The following CSNK1G3 variants were observed in gnomAD, a reference collection of about 807,000 sequenced individuals.
CSNK1G3 encodes casein kinase 1 gamma 3, also known as casein kinase I isoform gamma-3.
In CSNK1G3, 23 loss-of-function variants were observed where a neutral mutation model predicts 64.3. That is an observed-to-expected ratio of 0.36 (90% CI 0.26 to 0.51). The LOEUF is 0.51. CSNK1G3 is among the 20% of genes least tolerant of loss of function. CSNK1G3 has a pLI of 0.96. For missense variants in CSNK1G3, 357 were observed against 510.5 expected (o/e 0.70, Z 2.90); for synonymous variants, 158 against 162.2 (o/e 0.97, Z 0.20).
chr5:123,582,578 A>G (rs1790505146), intron 6 of CSNK1G3, among the ~76,000 whole-genome samples: 1 of 152,254 alleles, frequency 6.6e-6, no homozygotes, highest in Admixed American at 6.5e-5. Flanking sequence ...CCTATTTAAA[A>G]TAATCTTTAA....
intron 6 of CSNK1G3, among the ~76,000 whole-genome samples, chr5:123,584,526 C>G (rs757497395): frequency 6.6e-6 from 1 of 152,032 alleles, no homozygotes; most frequent in Non-Finnish European, 1.5e-5. Flanking sequence ...GAGGTATTAT[C>G]TTTTTAAGGA....
At chr5:123,605,304 T>C (rs761255739) in intron 11 of CSNK1G3, 35 bp from the exon 13 acceptor site, 2 of 1,576,306 alleles carry the variant, frequency 1.3e-6, no homozygotes, top group African/African-American at 1.4e-5. Flanking sequence ...CTCTCTTTTT[T>C]TTCCTTGTAT....
At chr5:123,523,017 G>T (rs1778399418) in intron 1 of CSNK1G3, among the ~76,000 whole-genome samples, 2 of 152,256 alleles carry the variant, frequency 1.3e-5, no homozygotes, top group Admixed American at 1.3e-4. Flanking sequence ...AAGAGGGGAA[G>T]AAGTGTTACT....
At chr5:123,532,974 T>A (rs1172774683) in intron 1 of CSNK1G3, among the ~76,000 whole-genome samples, 3 of 151,918 alleles carry the variant, frequency 2.0e-5, no homozygotes, top group African/African-American at 7.2e-5. Flanking sequence ...CACTTTTCTC[T>A]TTGATACTAT....
At chr5:123,569,809 G>T (rs898712679) in intron 4 of CSNK1G3, among the ~76,000 whole-genome samples, 2 of 106,814 alleles carry the variant, frequency 1.9e-5, no homozygotes, top group African/African-American at 8.3e-5. Flanking sequence ...AAGTTCTCTT[G>T]CTCTCAGTCA....
intron 1 of CSNK1G3, among the ~76,000 whole-genome samples, chr5:123,516,340 G>A (rs887095444): frequency 2.6e-5 from 4 of 152,080 alleles, no homozygotes; most frequent in Non-Finnish European, 5.9e-5. Context: ...GATTTTCAAG[G>A]GCATCTGAAC....
At chr5:123,600,450 C>T (rs568505687) in intron 10 of CSNK1G3, among the ~76,000 whole-genome samples, 10 of 151,886 alleles carry the variant, frequency 6.6e-5, no homozygotes, top group Non-Finnish European at 1.3e-4. Flanking sequence ...CACGGTGAAA[C>T]CCCATCTCTA....
At chr5:123,615,440 C>G (rs1400437665) in exon 13 of CSNK1G3, 1 of 152,590 alleles carries the variant, frequency 6.6e-6, no homozygotes. Flanking sequence ...GTGGGTCACT[C>G]TATGCCCTCT....
chr5:123,608,635 A>G (rs1231075879), intron 12 of CSNK1G3, among the ~76,000 whole-genome samples: 1 of 152,134 alleles, frequency 6.6e-6, no homozygotes, highest in Admixed American at 6.5e-5. Context: ...AAGTTTGCAT[A>G]CCATTAAGTT....
At chr5:123,538,695 C>A (rs1283473411) in intron 1 of CSNK1G3, among the ~76,000 whole-genome samples, 1 of 152,094 alleles carries the variant, frequency 6.6e-6, no homozygotes, top group Non-Finnish European at 1.5e-5. Context: ...CAAACCTGCA[C>A]GTTCTGCACA....
At chr5:123,515,527 A>G (rs1326272922) in intron 1 of CSNK1G3, among the ~76,000 whole-genome samples, 3 of 152,334 alleles carry the variant, frequency 2.0e-5, no homozygotes, top group Admixed American at 1.3e-4. Flanking sequence ...GAGGGATGAT[A>G]AGATGAGAAA....
chr5:123,601,285 G>T (rs1297202228), intron 10 of CSNK1G3, among the ~76,000 whole-genome samples: 1 of 152,044 alleles, frequency 6.6e-6, no homozygotes, highest in Admixed American at 6.6e-5. Context: ...TTTGCAAAAA[G>T]ACACAAATTT....
intron 10 of CSNK1G3, among the ~76,000 whole-genome samples, chr5:123,601,453 A>C (rs180685105): frequency 6.6e-6 from 1 of 152,232 alleles, no homozygotes; most frequent in Non-Finnish European, 1.5e-5. Context: ...AGGATTGGGG[A>C]ATCTGGGAAA....
At chr5:123,614,187 C>T (rs1222020865) in intron 12 of CSNK1G3, among the ~76,000 whole-genome samples, 155 bp from the exon 14 acceptor site, 1 of 152,200 alleles carries the variant, frequency 6.6e-6, no homozygotes, top group Non-Finnish European at 1.5e-5. Flanking sequence ...ATAGCTCTGC[C>T]ATATTTTCAC....
intron 12 of CSNK1G3, among the ~76,000 whole-genome samples, chr5:123,611,632 A>G (rs146426413): frequency 1.4e-4 from 22 of 152,352 alleles, no homozygotes; most frequent in African/African-American, 5.0e-4. Flanking sequence ...GTTCATCAAA[A>G]TGTGTATTAC....
At chr5:123,537,687 CAT>C (rs1781068822) in intron 1 of CSNK1G3, among the ~76,000 whole-genome samples, 1 of 152,088 alleles carries the variant, frequency 6.6e-6, no homozygotes, top group African/African-American at 2.4e-5. Context: ...TTTTAAAAAT[CAT>C]ATTTTGAGAT....
intron 4 of CSNK1G3, among the ~76,000 whole-genome samples, chr5:123,564,478 AG>A (rs955723487): frequency 2.6e-5 from 4 of 152,140 alleles, no homozygotes; most frequent in Admixed American, 2.6e-4. Flanking sequence ...TTTTGCTTTA[AG>A]TGTTATATAA....
intron 6 of CSNK1G3, among the ~76,000 whole-genome samples, chr5:123,580,162 G>A (rs1789972609): frequency 6.6e-6 from 1 of 151,860 alleles, no homozygotes; most frequent in African/African-American, 2.4e-5. Flanking sequence ...TCCCTGCTTT[G>A]CCTGGATCTT....
rs1196305439 is a variant in CSNK1G3, at chr5:123,552,269, C to T, written c.179-838C>T. ...AAGCGAATTCTCCTGCCTCAGCCTC[C>T]TGAGTAGCTGGGATTACAGGCGTGC... On this transcript the variant is annotated intron_variant, in intron 2 of 12. Coordinates refer to ENST00000345990, the Ensembl canonical transcript of CSNK1G3. Among the ~76,000 whole-genome samples, 3 of 152,066 alleles carry T rather than the reference C, an allele frequency of 2.0e-5. No homozygotes were observed. The East Asian group carries it at 5.8e-4, about 29-fold the overall frequency.
Sources: gnomAD v4.1 joint callset for allele counts (sites outside exome capture counted in the v4.1 genomes callset) on GRCh38, gnomAD v4.1.1 for gene constraint, MANE v1.5 for transcripts, NCBI Gene and HGNC (gene_info 2026-07-23, HGNC 2026-07-21) for gene names.